The following MUSK variants were observed in gnomAD, a reference collection of about 807,000 sequenced individuals.
MUSK encodes muscle associated receptor tyrosine kinase.
MUSK carries 55 observed loss-of-function variants against 88.7 expected under a neutral mutation model. The observed-to-expected ratio is 0.62, with a 90% confidence interval of 0.50 to 0.78. The LOEUF is 0.78. Among genes scored for constraint, MUSK ranks in the 30% least tolerant of loss-of-function variants. The probability of loss-of-function intolerance (pLI) is 0.00; values close to 1 mark genes in which losing one functional copy is unlikely to be tolerated. For missense variants in MUSK, 1,015 were observed against 1,074.3 expected (o/e 0.94, Z 0.77); for synonymous variants, 387 against 391.9 (o/e 0.99, Z 0.15).
At position 110,741,387 on chromosome 9, in the gene MUSK, A is replaced by C. The variant is rs140762249; in HGVS notation, c.754-6254A>C. Reference sequence around the variant, plus strand: ...GGCCCCACCCTTGTCTCTCTAAAGCAGGGTGCCCTAGGAAGACTGATTGGC... The same window carrying C: ...GGCCCCACCCTTGTCTCTCTAAAGCCGGGTGCCCTAGGAAGACTGATTGGC... On this transcript the variant is annotated intron_variant, in intron 6 of 14. Transcript: ENST00000374448. 3.7e-4 allele frequency among the ~76,000 whole-genome samples: 57 copies of C among 152,264 alleles called. No individual in the cohort carries two copies. The East Asian group carries it at 7.1e-3, about 19-fold the overall frequency.
chr9:110,755,981 T>TATATATATATATAC (rs2077316915), intron 7 of MUSK, among the ~76,000 whole-genome samples: 10 of 108,118 alleles, frequency 9.2e-5, no homozygotes, highest in East Asian at 6.5e-4. Context: ...TATATATACA[T>TATATATATATATAC]ATATATATAT....
chr9:110,743,585 A>G (rs1363085055), intron 6 of MUSK, among the ~76,000 whole-genome samples: 1 of 152,226 alleles, frequency 6.6e-6, no homozygotes, highest in Non-Finnish European at 1.5e-5. Context: ...GTAGAAGTTG[A>G]ATAATTTTAA....
chr9:110,700,105 T>A (rs186917135), intron 5 of MUSK, among the ~76,000 whole-genome samples: 6 of 152,322 alleles, frequency 3.9e-5, no homozygotes, highest in Admixed American at 3.9e-4. Flanking sequence ...AACGGTGACA[T>A]ACATAATTAT....
intron 5 of MUSK, among the ~76,000 whole-genome samples, chr9:110,731,754 C>T (rs1231103945): frequency 6.6e-6 from 1 of 152,014 alleles, no homozygotes; most frequent in East Asian, 1.9e-4. Context: ...CCATGGAGGG[C>T]AGAGTATTAC....
intron 5 of MUSK, among the ~76,000 whole-genome samples, chr9:110,733,576 T>TA (rs1454417655): frequency 1.3e-5 from 2 of 151,706 alleles, no homozygotes; most frequent in African/African-American, 4.8e-5. Context: ...AAATATCCTT[T>TA]TTTTTTTTTG....
At position 110,690,541 on chromosome 9, in the gene MUSK, A is replaced by T. The variant is rs372587490; in HGVS notation, c.358+3273A>T. 7.0e-3 allele frequency among the ~76,000 whole-genome samples: 182 copies of T among 26,130 alleles called. 2 individuals are homozygous for T. Among genetic ancestry groups the T allele is most frequent in the Non-Finnish European group, 8.4e-3 (126 of 15,046 alleles). The allele number at this position is 26,130 out of a possible 152,430, so 17.1% of individuals were successfully genotyped here. ...ATATTTAAATATAAGTATATATATAAATATATATTTAAATATAAGTATATA... is the reference window on the plus strand; with the variant it reads ...ATATTTAAATATAAGTATATATATATATATATATTTAAATATAAGTATATA... On this transcript the variant is annotated intron_variant, in intron 3 of 14. Transcript: ENST00000374448.
chr9:110,737,879 C>T (rs2077048240), intron 6 of MUSK, among the ~76,000 whole-genome samples: 1 of 152,102 alleles, frequency 6.6e-6, no homozygotes, highest in Admixed American at 6.6e-5. Flanking sequence ...TAGTGTCCAC[C>T]ATGATTGTCA....
chr9:110,688,920 A>G (rs904600181), intron 3 of MUSK, among the ~76,000 whole-genome samples: 1 of 146,440 alleles, frequency 6.8e-6, no homozygotes, highest in Non-Finnish European at 1.5e-5. Context: ...TGTTATATAT[A>G]TTTATATATA....
At chr9:110,762,025 G>A (rs1350992282) in intron 7 of MUSK, 177 bp from the exon 8 acceptor site, 12 of 867,932 alleles carry the variant, frequency 1.4e-5, no homozygotes, top group African/African-American at 1.8e-5. Context: ...CATTTCCTCC[G>A]AATCTGCCCA....
intron 5 of MUSK, 56 bp from the exon 6 acceptor site, chr9:110,734,195 C>A: frequency 6.4e-7 from 1 of 1,557,648 alleles, no homozygotes; most frequent in Non-Finnish European, 8.7e-7. Flanking sequence ...AAAAGACCAC[C>A]CTAGCTTGAC....
chr9:110,694,731 T>A (rs1458441223), intron 3 of MUSK, among the ~76,000 whole-genome samples: 1 of 152,204 alleles, frequency 6.6e-6, no homozygotes, highest in African/African-American at 2.4e-5. Flanking sequence ...TTTTGTATAT[T>A]AGATTTAATA....
intron 1 of MUSK, among the ~76,000 whole-genome samples, chr9:110,675,420 A>G (rs2076013450): frequency 7.0e-6 from 1 of 142,896 alleles, no homozygotes; most frequent in Admixed American, 6.9e-5. Flanking sequence ...ATGGGGTTTC[A>G]CCCTGTTAGC....
At chr9:110,676,855 A>G (rs1248461707) in intron 1 of MUSK, among the ~76,000 whole-genome samples, 1 of 152,104 alleles carries the variant, frequency 6.6e-6, no homozygotes, top group Non-Finnish European at 1.5e-5. Flanking sequence ...TGCTGCAGTG[A>G]ACATAGGTGT....
chr9:110,706,535 A>G (rs569612053), intron 5 of MUSK, among the ~76,000 whole-genome samples: 4 of 152,246 alleles, frequency 2.6e-5, no homozygotes, highest in Admixed American at 6.5e-5. Flanking sequence ...AGTACCTCTA[A>G]AGGACAGGAA....
At chr9:110,719,422 G>A (rs1380775263) in intron 5 of MUSK, among the ~76,000 whole-genome samples, 1 of 151,998 alleles carries the variant, frequency 6.6e-6, no homozygotes, top group Non-Finnish European at 1.5e-5. Flanking sequence ...GACACCAAAA[G>A]CGAGCAGGAG....
intron 6 of MUSK, among the ~76,000 whole-genome samples, chr9:110,739,335 A>C (rs761795674): frequency 5.3e-5 from 8 of 152,164 alleles, no homozygotes; most frequent in Non-Finnish European, 7.3e-5. Flanking sequence ...TCCCAGCAAC[A>C]ATGTGTGACA....
rs1564218933 is a variant in MUSK, at chr9:110,690,037, A to ATAAGTATAAATATATAAATATATATTATG, written c.358+2798_358+2826dup. On this transcript the variant is annotated intron_variant, in intron 3 of 14. Transcript: ENST00000374448. ...TATATAATATATATTATATATTAAT[A>ATAAGTATAAATATATAAATATATATTATG]TAAGTATAAATATATAAATATATAT... is the stretch of plus-strand genomic sequence containing the variant. 4.3e-4 allele frequency among the ~76,000 whole-genome samples: 40 copies of ATAAGTATAAATATATAAATATATATTATG among 94,098 alleles called. 1 individual carries two copies. The highest frequency in any genetic ancestry group is 1.6e-3 in the African/African-American group (36 of 22,364). The allele number at this position is 94,098 out of a possible 152,430, so 61.7% of individuals were successfully genotyped here.
intron 14 of MUSK, among the ~76,000 whole-genome samples, chr9:110,790,901 G>C (rs1036830157): frequency 1.3e-5 from 2 of 152,160 alleles, no homozygotes; most frequent in Admixed American, 1.3e-4. Context: ...CTCGTTAAGA[G>C]GAGTTAAATT....
Position 110,771,158 on chromosome 9 carries a change from CTTCTTTTTTTTTTTT to C in MUSK, c.1184+3078_1184+3092del, listed in dbSNP as rs2077567157. Reference sequence around the variant, plus strand: ...CATAAATTTCTCTTATGCTCATTTCCTTCTTTTTTTTTTTTTTTTTTTTTTGTCCCTGGGTTCAAG... The same window carrying C: ...CATAAATTTCTCTTATGCTCATTTCCTTTTTTTTTTGTCCCTGGGTTCAAG... On this transcript the variant is annotated intron_variant, in intron 9 of 14. Transcript: ENST00000374448. 4.8e-5 allele frequency among the ~76,000 whole-genome samples: 4 copies of C among 83,468 alleles called. No individual in the cohort carries two copies. In the South Asian group the frequency reaches 1.8e-3, roughly 37 times the overall value. 54.8% of individuals were successfully genotyped at this position (83,468 alleles called of 152,430 possible).
Sources: gnomAD v4.1 joint callset for allele counts (sites outside exome capture counted in the v4.1 genomes callset) on GRCh38, gnomAD v4.1.1 for gene constraint, MANE v1.5 for transcripts, NCBI Gene and HGNC (gene_info 2026-07-23, HGNC 2026-07-21) for gene names.